ITFG2: variants seen among roughly 807,000 people sequenced by gnomAD.
ITFG2 encodes the protein integrin alpha FG-GAP repeat containing 2.
A neutral mutation model predicts 54.4 loss-of-function variants in ITFG2; 36 were observed. The ratio of observed to expected loss-of-function variants is 0.66; its 90% confidence interval spans 0.51 to 0.87. ITFG2 has a LOEUF of 0.87. Among genes scored for constraint, ITFG2 ranks in the 40% least tolerant of loss-of-function variants. The probability of loss-of-function intolerance (pLI) is 0.00; values close to 1 mark genes in which losing one functional copy is unlikely to be tolerated. For missense variants in ITFG2, 524 were observed against 576.7 expected (o/e 0.91, Z 0.94); for synonymous variants, 211 against 225.4 (o/e 0.94, Z 0.57).
chr12:2,825,136 G>A (rs1259651616), downstream of ITFG2: 1 of 152,236 alleles, frequency 6.6e-6, no homozygotes, highest in African/African-American at 2.4e-5. Context: ...TGTGTACTGA[G>A]TGCCATGTAA....
At chr12:2,847,205 G>A (rs2098055520) in intron 2 of ITFG2, among the ~76,000 whole-genome samples, 1 of 152,036 alleles carries the variant, frequency 6.6e-6, no homozygotes, top group South Asian at 2.1e-4. Context: ...AAATTTTAAT[G>A]TGTAAAATAT....
intron 2 of ITFG2, among the ~76,000 whole-genome samples, chr12:2,847,432 C>A (rs1030032850): frequency 6.6e-6 from 1 of 152,128 alleles, no homozygotes; most frequent in Admixed American, 6.6e-5. Context: ...CTTTGGGAGG[C>A]CGAGGTGGGC....
In ITFG2 at chr12:2,849,092, C is replaced by T. The variant is rs2098061709; in HGVS notation, n.300+8097C>T. 6 of 848,446 alleles carry T rather than the reference C, an allele frequency of 7.1e-6. No individual in the cohort carries two copies. In the Admixed American group the frequency reaches 1.5e-4, roughly 21 times the overall value. 52.6% of individuals were successfully genotyped at this position (848,446 alleles called of 1,614,324 possible). On this transcript the variant is annotated intron_variant and non_coding_transcript_variant, in intron 2 of 3. Transcript: ENST00000537710. The stretch of plus-strand genomic sequence containing the variant: ...CCTGGGGTACAGAGGTGGCTTGAGG[C>T]TGGGAGGATGGTGGAGAGGCTGTTC...
chr12:2,855,094 G>T (rs1467912459), intron 2 of ITFG2: 1 of 1,535,928 alleles, frequency 6.5e-7, no homozygotes, highest in East Asian at 2.4e-5. Context: ...CATCCAGGAG[G>T]GAGGGGGGAT....
upstream of ITFG2, chr12:2,834,956 G>A (rs750409344): frequency 3.3e-5 from 52 of 1,591,266 alleles, 1 homozygote; most frequent in South Asian, 5.2e-4. Context: ...GGTCTCCACG[G>A]GAGGGAAAGA....
rs548540419 is a variant in ITFG2 at position 2,858,618 on chromosome 12, A to T, written n.620+287A>T. On this transcript the variant is annotated intron_variant and non_coding_transcript_variant, in intron 3 of 3. Transcript: ENST00000537710. ...GCCCGGGATGGTGGACAGCTTGAGCACAGGGGCAAGGGCAGGGCTCTACTG... is the reference window on the plus strand; with the variant it reads ...GCCCGGGATGGTGGACAGCTTGAGCTCAGGGGCAAGGGCAGGGCTCTACTG... 3.1e-6 allele frequency: 5 copies of T among 1,604,466 alleles called. No individual in the cohort carries two copies. In the African/African-American group the frequency reaches 6.7e-5, roughly 21 times the overall value.
In ITFG2 at chr12:2,817,906, C is replaced by A. The variant is rs777533537; in HGVS notation, c.193-3C>A. 6.2e-6 allele frequency: 10 copies of A among 1,613,822 alleles called. No homozygotes were observed. The highest frequency in any genetic ancestry group is 8.5e-6 in the Non-Finnish European group (10 of 1,179,878). On this transcript the variant is annotated splice_polypyrimidine_tract_variant and splice_region_variant and intron_variant, in intron 2 of 11. Coordinates refer to ENST00000228799, the MANE Select transcript of ITFG2 (RefSeq NM_018463.4). ...TCCCTGAGCCTCCCTTTCTCTCTTA[C>A]AGCTGACTTGCGTTGGGGTTGGAGA...
downstream of ITFG2, chr12:2,830,968 C>G: frequency 8.3e-7 from 1 of 1,198,958 alleles, no homozygotes; most frequent in Middle Eastern, 3.0e-4. Flanking sequence ...CCCCCCCAGC[C>G]CTGAGCCTTA....
chr12:2,823,717 C>A (rs1039392764), intron 10 of ITFG2, 53 bp from the exon 11 acceptor site: 4 of 1,506,542 alleles, frequency 2.7e-6, no homozygotes, highest in South Asian at 1.4e-5. Flanking sequence ...GTCTGCCCCC[C>A]ACTGTCGGCA....
At chr12:2,835,055 C>T, upstream of ITFG2, 1 of 1,454,020 alleles carries the variant, frequency 6.9e-7, no homozygotes, top group South Asian at 1.4e-5. Context: ...GCTGGAAAAA[C>T]CCAGTCCTAG....
intron 2 of ITFG2, among the ~76,000 whole-genome samples, chr12:2,848,622 C>T (rs988088460): frequency 2.0e-5 from 3 of 152,158 alleles, no homozygotes; most frequent in African/African-American, 4.8e-5. Flanking sequence ...CATTCTCCAG[C>T]ACCAGCCCTG....
intron 10 of ITFG2, 26 bp from the exon 11 acceptor site, chr12:2,823,744 T>C: frequency 6.6e-7 from 1 of 1,525,652 alleles, no homozygotes; most frequent in Non-Finnish European, 8.8e-7. Flanking sequence ...CTTCCTGACC[T>C]TTATCTCCCT....
chr12:2,847,785 G>A (rs911588673), intron 2 of ITFG2, among the ~76,000 whole-genome samples: 3 of 151,958 alleles, frequency 2.0e-5, no homozygotes, highest in South Asian at 2.1e-4. Context: ...GGTACCTCAC[G>A]TAGGTGAAAT....
At chr12:2,857,795 C>G (rs1158371655) in intron 2 of ITFG2, 2 of 152,556 alleles carry the variant, frequency 1.3e-5, no homozygotes, top group East Asian at 3.9e-4. Flanking sequence ...GCTAAGGAAG[C>G]CAGGCAGGTC....
At chr12:2,858,711 A>G (rs748874141) in intron 3 of ITFG2, 1 of 1,614,192 alleles carries the variant, frequency 6.2e-7, no homozygotes, top group South Asian at 1.1e-5. Context: ...CAGGCCAGGA[A>G]AGCTGATGTC....
At chr12:2,836,987 A>G (rs2098029579) in intron 1 of ITFG2, 2 of 152,184 alleles carry the variant, frequency 1.3e-5, no homozygotes, top group African/African-American at 2.4e-5. Flanking sequence ...TGTTTTAGCC[A>G]CTCAAGCTTG....
upstream of ITFG2, among the ~76,000 whole-genome samples, chr12:2,832,265 C>T (rs1328006554): frequency 6.6e-6 from 1 of 152,074 alleles, no homozygotes; most frequent in African/African-American, 2.4e-5. Flanking sequence ...CACCCTACCC[C>T]GCATTGCTTT....
chr12:2,846,648 C>A (rs1213643850), intron 2 of ITFG2, among the ~76,000 whole-genome samples: 1 of 151,886 alleles, frequency 6.6e-6, no homozygotes. Context: ...TCCTTTCCAC[C>A]CTCATTCCCA....
intron 1 of ITFG2, among the ~76,000 whole-genome samples, chr12:2,814,095 C>T (rs10848707): frequency 0.15 from 23,272 of 152,034 alleles, 1,956 homozygotes; most frequent in South Asian, 0.34. Flanking sequence ...AGGTGCCTGC[C>T]ACCATGTCTG....
Sources: gnomAD v4.1 joint callset for allele counts (sites outside exome capture counted in the v4.1 genomes callset) on GRCh38, gnomAD v4.1.1 for gene constraint, MANE v1.5 for transcripts, NCBI Gene and HGNC (gene_info 2026-07-23, HGNC 2026-07-21) for gene names.